Variants in CDH13 observed in about 807,000 individuals in gnomAD.
CDH13 encodes cadherin 13.
In CDH13, 24 loss-of-function variants were observed where a neutral mutation model predicts 63.8. The observed-to-expected ratio is 0.38, with a 90% CI of 0.27 to 0.53. The LOEUF (loss-of-function observed/expected upper bound fraction) is 0.53, where lower values mean the gene tolerates loss of function less well. Among genes scored for constraint, CDH13 ranks in the 20% least tolerant of loss-of-function variants. The pLI is 0.85. For missense variants in CDH13, 1,049 were observed against 903.1 expected (o/e 1.16, Z -2.07); for synonymous variants, 503 against 355.3 (o/e 1.42, Z -4.67).
At chr16:83,672,664 A>T (rs1264789893) in intron 9 of CDH13, among the ~76,000 whole-genome samples, 1 of 151,924 alleles carries the variant, frequency 6.6e-6, no homozygotes, top group Non-Finnish European at 1.5e-5. Flanking sequence ...ACTTCAAGTG[A>T]TCTGCCCGCC....
At chr16:82,702,909 C>G (rs73603106) in intron 1 of CDH13, among the ~76,000 whole-genome samples, 14 of 152,076 alleles carry the variant, frequency 9.2e-5, no homozygotes, top group African/African-American at 3.1e-4. Flanking sequence ...CTGGTGTATC[C>G]CCTCATTGGT....
chr16:83,335,063 C>G (rs911948745), intron 5 of CDH13, among the ~76,000 whole-genome samples: 3 of 152,128 alleles, frequency 2.0e-5, no homozygotes, highest in African/African-American at 7.2e-5. Context: ...TGGAAAATAT[C>G]ACTTAAAAAA....
At chr16:82,942,292 T>A (rs1461840157) in intron 2 of CDH13, among the ~76,000 whole-genome samples, 1 of 152,330 alleles carries the variant, frequency 6.6e-6, no homozygotes, top group East Asian at 1.9e-4. Flanking sequence ...TTTCCGTCAC[T>A]GAATTGCAGC....
At chr16:83,140,998 T>G (rs1288645137) in intron 4 of CDH13, among the ~76,000 whole-genome samples, 1 of 152,234 alleles carries the variant, frequency 6.6e-6, no homozygotes, top group African/African-American at 2.4e-5. Context: ...TCCATTCTCA[T>G]TTGAAGTTCC....
intron 6 of CDH13, among the ~76,000 whole-genome samples, chr16:83,401,983 A>G (rs1308247667): frequency 6.6e-6 from 1 of 152,148 alleles, no homozygotes; most frequent in Non-Finnish European, 1.5e-5. Flanking sequence ...AGTGGCCACT[A>G]AAGCAATGAC....
intron 4 of CDH13, among the ~76,000 whole-genome samples, chr16:83,180,400 A>T (rs2038302279): frequency 6.6e-6 from 1 of 152,138 alleles, no homozygotes; most frequent in Non-Finnish European, 1.5e-5. Flanking sequence ...AACTATCCTA[A>T]TATGGATTAT....
chr16:83,732,845 G>A (rs561873801), intron 10 of CDH13, among the ~76,000 whole-genome samples: 2 of 152,234 alleles, frequency 1.3e-5, no homozygotes, highest in South Asian at 4.1e-4. Flanking sequence ...CAACTCCTTG[G>A]AATTCCAGGC....
intron 1 of CDH13, among the ~76,000 whole-genome samples, chr16:82,851,962 A>G (rs1051970087): frequency 1.3e-5 from 2 of 152,236 alleles, no homozygotes; most frequent in Non-Finnish European, 2.9e-5. Context: ...GGGATAAAGT[A>G]ACTATCAACC....
chr16:83,553,992 G>A (rs189452423), intron 7 of CDH13, among the ~76,000 whole-genome samples: 1 of 152,086 alleles, frequency 6.6e-6, no homozygotes, highest in African/African-American at 2.4e-5. Context: ...GAACATTCTT[G>A]TACAGATATA....
intron 2 of CDH13, among the ~76,000 whole-genome samples, chr16:82,959,559 T>A (rs904779334): frequency 6.6e-6 from 1 of 152,186 alleles, no homozygotes; most frequent in Non-Finnish European, 1.5e-5. Context: ...CTCCAGCCAT[T>A]TTCTGAGTAG....
intron 6 of CDH13, among the ~76,000 whole-genome samples, chr16:83,368,937 T>TATATATATATATATAC (rs1567622155): frequency 4.4e-5 from 3 of 68,912 alleles, no homozygotes; most frequent in South Asian, 5.0e-4. Flanking sequence ...TATATATATA[T>TATATATATATATATAC]ACTAGGTTTT....
intron 7 of CDH13, among the ~76,000 whole-genome samples, chr16:83,525,833 C>G (rs2074947895): frequency 6.6e-6 from 1 of 152,100 alleles, no homozygotes; most frequent in Admixed American, 6.5e-5. Context: ...GAGAACGGGA[C>G]AGATTGCAGC....
At chr16:83,055,818 C>T (rs528749752) in intron 3 of CDH13, among the ~76,000 whole-genome samples, 5 of 152,122 alleles carry the variant, frequency 3.3e-5, no homozygotes, top group Non-Finnish European at 7.4e-5. Flanking sequence ...ATAAGCCAGT[C>T]TCTCTAATGA....
chr16:83,536,380 G>T (rs1337012814), intron 7 of CDH13, among the ~76,000 whole-genome samples: 1 of 152,140 alleles, frequency 6.6e-6, no homozygotes, highest in African/African-American at 2.4e-5. Flanking sequence ...TCTCCTTGTG[G>T]ACGTGATCCT....
intron 2 of CDH13, among the ~76,000 whole-genome samples, chr16:82,911,523 C>G (rs1168205659): frequency 6.6e-6 from 1 of 152,148 alleles, no homozygotes; most frequent in African/African-American, 2.4e-5. Context: ...TAAATCCTTC[C>G]TCTTCTCTAA....
At chr16:83,196,680 T>A (rs778550236) in intron 4 of CDH13, among the ~76,000 whole-genome samples, 1 of 152,176 alleles carries the variant, frequency 6.6e-6, no homozygotes, top group Non-Finnish European at 1.5e-5. Flanking sequence ...AATAAGCTCA[T>A]GAACAAATGT....
intron 3 of CDH13, among the ~76,000 whole-genome samples, chr16:83,116,764 A>G (rs1446351091): frequency 1.3e-5 from 2 of 152,360 alleles, no homozygotes. Context: ...GGTGAATTTC[A>G]TGGTACGTAA....
At chr16:82,750,905 G>C (rs577750692) in intron 1 of CDH13, among the ~76,000 whole-genome samples, 7 of 152,118 alleles carry the variant, frequency 4.6e-5, no homozygotes, top group African/African-American at 1.4e-4. Flanking sequence ...CTTAAAACAA[G>C]TGTCTTTAAA....
intron 4 of CDH13, among the ~76,000 whole-genome samples, chr16:83,199,567 C>A (rs2038967232): frequency 6.6e-6 from 1 of 152,178 alleles, no homozygotes; most frequent in Non-Finnish European, 1.5e-5. Flanking sequence ...CAGTACGTGG[C>A]CTGCACAAGG....
Sources: gnomAD v4.1 joint callset for allele counts (sites outside exome capture counted in the v4.1 genomes callset) on GRCh38, gnomAD v4.1.1 for gene constraint, MANE v1.5 for transcripts, NCBI Gene and HGNC (gene_info 2026-07-23, HGNC 2026-07-21) for gene names.